LYRM4: variants seen among roughly 807,000 people sequenced by gnomAD.
LYRM4 encodes LYR motif containing 4.
Under a neutral mutation model 11.7 loss-of-function variants are expected in LYRM4, and 9 were observed. That is an observed-to-expected ratio of 0.77 (90% confidence interval 0.46 to 1.34). The LOEUF is 1.34. Among genes scored for constraint, LYRM4 ranks in the 40% most tolerant of loss-of-function variants. The pLI is 0.00. For missense variants in LYRM4, 133 were observed against 112.5 expected (o/e 1.18, Z -0.82); for synonymous variants, 42 against 40.4 (o/e 1.04, Z -0.15).
In LYRM4 at chr6:5,260,645, C is replaced by T. The variant is rs1483357624; in HGVS notation, c.86+3G>A. Reference sequence around the variant, plus strand: ...CCCCGGCCCCCGGTGCCCGCTGGGTCACCTGTAATTGTAGGCGCTGAAACG... The same window carrying T: ...CCCCGGCCCCCGGTGCCCGCTGGGTTACCTGTAATTGTAGGCGCTGAAACG... On this transcript the variant is annotated splice_donor_region_variant and intron_variant, in intron 1 of 2. Transcript: ENST00000330636. 4 of 1,334,402 alleles carry T rather than the reference C, an allele frequency of 3.0e-6. No individual in the cohort carries two copies. Among genetic ancestry groups the T allele is most frequent in the Non-Finnish European group, 4.1e-6 (4 of 987,304 alleles). The allele number at this position is 1,334,402 out of a possible 1,614,324, so 82.7% of individuals were successfully genotyped here. A position where few individuals can be genotyped will look rare whatever the true frequency, so the allele number is the denominator to read the frequency against.
chr6:5,181,112 GAAAT>G (rs1241416762), intron 2 of LYRM4, among the ~76,000 whole-genome samples: 2 of 152,102 alleles, frequency 1.3e-5, no homozygotes, highest in African/African-American at 4.8e-5. Flanking sequence ...AACCATGAAA[GAAAT>G]AATTGAAATA....
chr6:5,127,350 G>A (rs1207812296), intron 2 of LYRM4, among the ~76,000 whole-genome samples: 1 of 152,150 alleles, frequency 6.6e-6, no homozygotes, highest in African/African-American at 2.4e-5. Flanking sequence ...CTCCCAATGC[G>A]CTGCGATTAC....
At chr6:5,073,578 GTA>G in the LYRM4 span, among the ~76,000 whole-genome samples, 1 of 146,952 alleles carries the variant, frequency 6.8e-6, no homozygotes, top group African/African-American at 2.5e-5. Context: ...ATAGTACATA[GTA>G]TATATATTTT....
At chr6:5,163,245 A>T (rs1758873486) in intron 2 of LYRM4, among the ~76,000 whole-genome samples, 1 of 152,202 alleles carries the variant, frequency 6.6e-6, no homozygotes, top group African/African-American at 2.4e-5. Context: ...GTATGGTATG[A>T]GGAAGGGGTC....
chr6:5,204,261 T>TTTCAACTGAG (rs1761561708), intron 2 of LYRM4, among the ~76,000 whole-genome samples: 1 of 152,172 alleles, frequency 6.6e-6, no homozygotes, highest in African/African-American at 2.4e-5. Context: ...GGATCACCTT[T>TTTCAACTGAG]TCTTTTCAAC....
chr6:5,135,065 GA>G (rs1181170883), intron 2 of LYRM4, among the ~76,000 whole-genome samples: 2 of 64,994 alleles, frequency 3.1e-5, no homozygotes, highest in African/African-American at 1.1e-4. Flanking sequence ...TCGCTCCCGG[GA>G]CTGTGGAGGG....
intron 2 of LYRM4, among the ~76,000 whole-genome samples, chr6:5,130,814 A>G (rs563360459): frequency 1.3e-5 from 2 of 152,230 alleles, no homozygotes; most frequent in Non-Finnish European, 2.9e-5. Flanking sequence ...GCTACAGAAG[A>G]CAGTCATTAA....
chr6:5,151,066 G>A (rs1758058192), intron 2 of LYRM4, among the ~76,000 whole-genome samples: 1 of 148,950 alleles, frequency 6.7e-6, no homozygotes. Context: ...GCTCCAAAAT[G>A]CCTTTTGTTT....
At chr6:5,165,138 T>C (rs1759002871) in intron 2 of LYRM4, among the ~76,000 whole-genome samples, 1 of 152,208 alleles carries the variant, frequency 6.6e-6, no homozygotes, top group Non-Finnish European at 1.5e-5. Context: ...AGAAACATTT[T>C]CTTTGTTACT....
Position 5,220,349 on chromosome 6 carries a change from T to C in LYRM4, c.87-3611A>G, listed in dbSNP as rs981424425. Among the ~76,000 whole-genome samples, 4 of 152,196 alleles carry C rather than the reference T, an allele frequency of 2.6e-5. No individual in the cohort carries two copies. In the South Asian group the frequency reaches 6.2e-4, roughly 24 times the overall value. On this transcript the variant is annotated intron_variant, in intron 1 of 2. Transcript: ENST00000330636. ...TGTGTGATGTGGAAACCACCTAATG[T>C]AATGCCTTTCATTTCTGTCATCTTC...
chr6:5,240,290 A>T (rs1413648496), intron 1 of LYRM4, among the ~76,000 whole-genome samples: 1 of 152,114 alleles, frequency 6.6e-6, no homozygotes, highest in African/African-American at 2.4e-5. Context: ...ACTACTCTGC[A>T]GAAGTATTTA....
At chr6:5,133,217 A>C (rs1471912810) in intron 2 of LYRM4, among the ~76,000 whole-genome samples, 1 of 152,230 alleles carries the variant, frequency 6.6e-6, no homozygotes, top group Non-Finnish European at 1.5e-5. Context: ...CTTTCCTCTC[A>C]CATAAAAGCA....
the LYRM4 span, among the ~76,000 whole-genome samples, chr6:5,040,364 C>G: frequency 0.015 from 1,515 of 99,610 alleles, 15 homozygotes; most frequent in African/African-American, 0.046. Context: ...TACATACATA[C>G]ATACATACAT....
intron 1 of LYRM4, among the ~76,000 whole-genome samples, chr6:5,228,125 A>C (rs752978025): frequency 2.0e-4 from 30 of 151,564 alleles, no homozygotes; most frequent in Non-Finnish European, 3.4e-4. Context: ...CATGTATCCC[A>C]GAACTTAAAG....
At chr6:5,035,424 G>A in the LYRM4 span, among the ~76,000 whole-genome samples, 2 of 151,190 alleles carry the variant, frequency 1.3e-5, no homozygotes, top group African/African-American at 4.9e-5. Flanking sequence ...TCAGTGCCAG[G>A]TGACATGCCC....
At chr6:5,190,692 T>C (rs914275542) in intron 2 of LYRM4, among the ~76,000 whole-genome samples, 1 of 152,058 alleles carries the variant, frequency 6.6e-6, no homozygotes, top group African/African-American at 2.4e-5. Flanking sequence ...GTTAACACCA[T>C]TGTGCAATGC....
the LYRM4 span, among the ~76,000 whole-genome samples, chr6:5,059,234 G>A: frequency 2.6e-5 from 4 of 151,986 alleles, no homozygotes; most frequent in East Asian, 1.9e-4. Context: ...TTAGCTACCC[G>A]GGAGGCTGAG....
Position 5,108,873 on chromosome 6 carries a change from G to T in LYRM4, c.*550C>A. ...ACTGGGCTCAGGTATAAGTTGCAGG[G>T]TGCACCGTGTATCCCCGTAGCCCTG... On this transcript the variant is annotated 3_prime_UTR_variant, in exon 3 of 3. Transcript: ENST00000330636. 1.0e-6 allele frequency: 1 copy of T among 988,116 alleles called. No homozygotes were observed. The highest frequency in any genetic ancestry group is 1.2e-6 in the Non-Finnish European group (1 of 831,464). The allele number at this position is 988,116 out of a possible 1,614,324, so 61.2% of individuals were successfully genotyped here. A position where few individuals can be genotyped will look rare whatever the true frequency, so the allele number is the denominator to read the frequency against.
At chr6:5,244,346 A>C (rs888865962) in intron 1 of LYRM4, among the ~76,000 whole-genome samples, 4 of 152,156 alleles carry the variant, frequency 2.6e-5, no homozygotes, top group Non-Finnish European at 5.9e-5. Context: ...TCAACTTATG[A>C]CAGTTTTATG....
Sources: gnomAD v4.1 joint callset for allele counts (sites outside exome capture counted in the v4.1 genomes callset) on GRCh38, gnomAD v4.1.1 for gene constraint, MANE v1.5 for transcripts, NCBI Gene and HGNC (gene_info 2026-07-23, HGNC 2026-07-21) for gene names.